SENP6: variants seen among roughly 807,000 people sequenced by gnomAD.
The protein encoded by SENP6 is SUMO specific peptidase 6, also known as sentrin-specific protease 6.
In SENP6, 41 loss-of-function variants were observed where a neutral mutation model predicts 134.5. The ratio of observed to expected loss-of-function variants is 0.30; its 90% CI spans 0.24 to 0.40. SENP6 has a LOEUF of 0.40. Ranked by LOEUF, SENP6 falls within the 10% of genes least tolerant of loss-of-function variation. SENP6 has a pLI of 1.00. For missense variants in SENP6, 1,248 were observed against 1,312.5 expected, an observed-to-expected ratio of 0.95 and a Z score of 0.76; for synonymous variants, 395 against 429.8, an observed-to-expected ratio of 0.92 and a Z score of 1.00.
intron 7 of SENP6, among the ~76,000 whole-genome samples, chr6:75,651,469 C>G (rs1327972846): frequency 1.6e-4 from 25 of 152,104 alleles, no homozygotes; most frequent in Admixed American, 1.6e-3. Flanking sequence ...ATTCTCCCAC[C>G]TCCACCAAGT....
intron 5 of SENP6, among the ~76,000 whole-genome samples, chr6:75,637,075 G>A (rs913338876): frequency 2.0e-5 from 3 of 151,868 alleles, no homozygotes; most frequent in South Asian, 2.1e-4. Context: ...TTGTAGAGAC[G>A]TGGTCTCACT....
chr6:75,632,457 T>C (rs1769185437), intron 3 of SENP6, among the ~76,000 whole-genome samples: 1 of 152,186 alleles, frequency 6.6e-6, no homozygotes, highest in Admixed American at 6.6e-5. Flanking sequence ...ATTCACATAG[T>C]ATATGACACT....
chr6:75,645,138 A>G (rs975697352), intron 6 of SENP6, among the ~76,000 whole-genome samples: 3 of 152,210 alleles, frequency 2.0e-5, no homozygotes, highest in African/African-American at 7.2e-5. Context: ...AACCCTAAGA[A>G]GCAAAAATGC....
At chr6:75,714,610 T>C (rs1345854263) in intron 23 of SENP6, among the ~76,000 whole-genome samples, 1 of 152,186 alleles carries the variant, frequency 6.6e-6, no homozygotes, top group African/African-American at 2.4e-5. Flanking sequence ...GGCTGTTGAT[T>C]TACAGACCAA....
chr6:75,699,740 G>A (rs535131979), intron 18 of SENP6, among the ~76,000 whole-genome samples: 347 of 151,980 alleles, frequency 2.3e-3, no homozygotes, highest in Middle Eastern at 6.8e-3. Context: ...TCCACCTGCC[G>A]TAGCCTCTCA....
At chr6:75,699,631 G>T (rs1774898150) in intron 18 of SENP6, among the ~76,000 whole-genome samples, 1 of 151,854 alleles carries the variant, frequency 6.6e-6, no homozygotes, top group Non-Finnish European at 1.5e-5. Flanking sequence ...GGGACTATAG[G>T]TGCATGCTAC....
rs1775142358 is a variant in SENP6 at position 75,702,976 on chromosome 6, T to G, written c.2620T>G (p.Phe874Val). 6.2e-7 allele frequency: 1 copy of G among 1,613,816 alleles called. No homozygotes were observed. The highest frequency in any genetic ancestry group is 1.3e-5 in the African/African-American group (1 of 74,976). ...TCATACTGCGAGTGAAAATGAAGAA[T>G]TCAATAAAGGAGAATCTACATCCCA... ...INHTASENEE[F>V]NKGESTSQKV... The change falls in exon 19 of 24, where the codon TTC (phenylalanine) becomes GTC (valine). Residue 874 changes from phenylalanine (F) to valine (V), a missense_variant. Phe to Val is a conservative substitution (Grantham distance 50). This residue lies in a region of SENP6 where 386 missense variants were observed against 395.0 expected (regional missense o/e 0.98). Coordinates refer to ENST00000447266, the MANE Select transcript of SENP6 (RefSeq NM_015571.4).
At chr6:75,659,761 T>TGAA (rs1562016810) in intron 8 of SENP6, among the ~76,000 whole-genome samples, 1 of 152,188 alleles carries the variant, frequency 6.6e-6, no homozygotes, top group Non-Finnish European at 1.5e-5. Context: ...TGCTTTATTG[T>TGAA]CCTCACTCTC....
At chr6:75,610,660 A>G (rs1019597459) in intron 1 of SENP6, among the ~76,000 whole-genome samples, 1 of 152,180 alleles carries the variant, frequency 6.6e-6, no homozygotes, top group African/African-American at 2.4e-5. Context: ...AAATTGGGAT[A>G]GTCCCAGGCA....
rs1421218083 is a variant in SENP6 at position 75,670,654 on chromosome 6, T to C, written c.1326T>C (p.Ser442=). ...TAAGCTGCCAAAGTTCCTTTGACAGTGTCATTTTAAACTGTCGAAGTATAC... is the reference window on the plus strand; with the variant it reads ...TAAGCTGCCAAAGTTCCTTTGACAGCGTCATTTTAAACTGTCGAAGTATAC... ...LALSCQSSFD[S]VILNCRSIRV... Residue 442 remains serine (S), a synonymous_variant, in exon 11 of 24, where the codon AGT becomes AGC. Coordinates refer to ENST00000447266, the MANE Select transcript of SENP6 (RefSeq NM_015571.4). 5.6e-6 allele frequency: 9 copies of C among 1,613,450 alleles called. No individual in the cohort carries two copies. In the African/African-American group the frequency reaches 1.2e-4, roughly 22 times the overall value.
chr6:75,648,811 T>C (rs1286661488), intron 7 of SENP6, among the ~76,000 whole-genome samples: 1 of 152,184 alleles, frequency 6.6e-6, no homozygotes, highest in African/African-American at 2.4e-5. Context: ...TTATCCTAGC[T>C]TTCTGTTGAA....
intron 20 of SENP6, among the ~76,000 whole-genome samples, chr6:75,709,886 GC>G (rs1775651942): frequency 6.6e-6 from 1 of 152,152 alleles, no homozygotes; most frequent in Non-Finnish European, 1.5e-5. Context: ...ATTTATCATG[GC>G]TTCTGAATTT....
chr6:75,609,892 A>G (rs138178419), intron 1 of SENP6, among the ~76,000 whole-genome samples: 4 of 152,214 alleles, frequency 2.6e-5, no homozygotes, highest in African/African-American at 9.6e-5. Context: ...GGTTCAAGCA[A>G]TTCTGCTTCC....
chr6:75,612,350 T>C (rs999665104), intron 1 of SENP6, among the ~76,000 whole-genome samples: 53 of 152,228 alleles, frequency 3.5e-4, no homozygotes, highest in African/African-American at 1.2e-3. Flanking sequence ...GCTGCATTTA[T>C]ATTTCTAAGT....
chr6:75,624,068 C>T (rs1768482473), intron 3 of SENP6, 108 bp downstream of exon 3: 1 of 783,562 alleles, frequency 1.3e-6, no homozygotes, highest in East Asian at 2.7e-5. Flanking sequence ...CCACTTTCTC[C>T]ACTCCAGAGG....
In SENP6 at chr6:75,634,636, A is replaced by T. The variant is rs1769363668; in HGVS notation, c.354-71A>T. The T allele has an allele frequency of 4.8e-6, 4 of 828,286 alleles. No homozygotes were observed. The Admixed American group carries it at 1.2e-4, about 26-fold the overall frequency. 51.3% of individuals were successfully genotyped at this position (828,286 alleles called of 1,614,324 possible). On this transcript the variant is annotated intron_variant, in intron 4 of 23. Coordinates refer to ENST00000447266, the MANE Select transcript of SENP6 (RefSeq NM_015571.4). Reference sequence around the variant, plus strand: ...TTTTTGTGTGTTTGTTCAGATTTTAAAAGATTTTTTTTATAAATGTGTATA... The same window carrying T: ...TTTTTGTGTGTTTGTTCAGATTTTATAAGATTTTTTTTATAAATGTGTATA...
At chr6:75,646,258 T>G (rs778465124) in intron 6 of SENP6, among the ~76,000 whole-genome samples, 1 of 152,212 alleles carries the variant, frequency 6.6e-6, no homozygotes, top group African/African-American at 2.4e-5. Flanking sequence ...ATTCTCATTT[T>G]CATAATGCAT....
intron 8 of SENP6, among the ~76,000 whole-genome samples, chr6:75,660,527 C>G (rs1000895243): frequency 6.6e-6 from 1 of 152,192 alleles, no homozygotes; most frequent in African/African-American, 2.4e-5. Flanking sequence ...TCCCTTCAAG[C>G]TGGCCTCTGT....
At chr6:75,606,481 T>C (rs1263865330) in intron 1 of SENP6, among the ~76,000 whole-genome samples, 1 of 152,240 alleles carries the variant, frequency 6.6e-6, no homozygotes, top group East Asian at 1.9e-4. Context: ...GCAATGACAC[T>C]GCACTGAGAG....
Sources: gnomAD v4.1 joint callset for allele counts (sites outside exome capture counted in the v4.1 genomes callset) on GRCh38, gnomAD v4.1.1 for gene constraint, gnomAD v4.1.1 regional missense constraint, MANE v1.5 for transcripts, NCBI Gene and HGNC (gene_info 2026-07-23, HGNC 2026-07-21) for gene names.